Variants in GAB3 observed in about 807,000 individuals in gnomAD.
GAB3 encodes the protein GRB2-associated-binding protein 3.
GAB3 carries 12 observed loss-of-function variants against 40.4 expected under a neutral mutation model. That is an observed-to-expected ratio of 0.30 (90% CI 0.19 to 0.48). The LOEUF is 0.48. Ranked by LOEUF, GAB3 falls within the 20% of genes least tolerant of loss-of-function variation. GAB3 has a pLI of 0.99. For missense variants in GAB3, 381 were observed against 461.9 expected, an observed-to-expected ratio of 0.82 and a Z score of 1.61; for synonymous variants, 154 against 176.7, an observed-to-expected ratio of 0.87 and a Z score of 1.02.
At chrX:154,741,712 G>A (rs1030732128) in intron 1 of GAB3, among the ~76,000 whole-genome samples, 28 of 109,330 alleles carry the variant, frequency 2.6e-4, no homozygotes, top group Non-Finnish European at 4.4e-4. Context: ...AGAGGAAAAG[G>A]TTTAATTGAC....
intron 8 of GAB3, among the ~76,000 whole-genome samples, chrX:154,688,915 T>G (rs1199451765): frequency 6.3e-5 from 7 of 110,471 alleles, no homozygotes; most frequent in Admixed American, 5.7e-4. Flanking sequence ...ACTCATTTTA[T>G]GAGGCCAGCA....
In GAB3 at chrX:154,739,696, GACAGAGGTGGAAGAAGTTTTCATCAA is replaced by G. The variant is rs782527273; in HGVS notation, c.72+11232_72+11257del. On this transcript the variant is annotated intron_variant, in intron 1 of 9. Transcript: ENST00000424127. ...GGTAAGGGTAAATAGGGTGGATGAA[GACAGAGGTGGAAGAAGTTTTCATCAA>G]ACATTTAAAATATATTTTTTAATTT... Among the ~76,000 whole-genome samples the G allele has an allele frequency of 7.4e-3, 833 of 112,032 alleles. 8 individuals are homozygous for G. Among genetic ancestry groups the G allele is most frequent in the African/African-American group, 0.026 (797 of 30,840 alleles).
intron 1 of GAB3, among the ~76,000 whole-genome samples, chrX:154,722,689 C>T (rs1373839032): frequency 3.6e-5 from 4 of 111,661 alleles, no homozygotes; most frequent in Non-Finnish European, 7.5e-5. Flanking sequence ...CTAGCAGATA[C>T]TCATTTGAGT....
chrX:154,692,645 G>A (rs782678836), intron 8 of GAB3, among the ~76,000 whole-genome samples: 3 of 111,434 alleles, frequency 2.7e-5, no homozygotes, highest in South Asian at 3.8e-4. Context: ...AAAATTAGCC[G>A]GGCATGGTGG....
intron 4 of GAB3, among the ~76,000 whole-genome samples, chrX:154,705,936 A>G (rs1557253488): frequency 1.8e-5 from 2 of 112,036 alleles, no homozygotes; most frequent in African/African-American, 6.5e-5. Flanking sequence ...GCATTTCTAT[A>G]CATCAAACAA....
chrX:154,708,242 T>C (rs1557254224), intron 4 of GAB3, among the ~76,000 whole-genome samples: 2 of 112,367 alleles, frequency 1.8e-5, no homozygotes, highest in Non-Finnish European at 3.8e-5. Flanking sequence ...GATTATAGAC[T>C]TCAATCTAAA....
At chrX:154,696,588 T>C (rs2070662315) in intron 7 of GAB3, among the ~76,000 whole-genome samples, 1 of 111,420 alleles carries the variant, frequency 9.0e-6, no homozygotes, top group Non-Finnish European at 1.9e-5. Context: ...AAAGGTGAGA[T>C]GAAAGGGTGC....
At chrX:154,709,464 G>A (rs1439904519) in intron 4 of GAB3, among the ~76,000 whole-genome samples, 1 of 108,955 alleles carries the variant, frequency 9.2e-6, no homozygotes, top group East Asian at 2.9e-4. Context: ...GGGACCACAG[G>A]CACCCGCCAC....
At chrX:154,713,122 G>C (rs1794698223) in intron 3 of GAB3, 85 bp downstream of exon 3, 2 of 774,494 alleles carry the variant, frequency 2.6e-6, no homozygotes, top group African/African-American at 2.0e-5. Context: ...ACACATCTCA[G>C]CTACGGACTG....
intron 1 of GAB3, among the ~76,000 whole-genome samples, chrX:154,723,196 G>A (rs907193613): frequency 2.7e-5 from 3 of 111,675 alleles, no homozygotes; most frequent in Non-Finnish European, 5.7e-5. Context: ...TTTCTTTTAT[G>A]ACAAAAAAAA....
At chrX:154,748,894 T>A (rs1433082076) in intron 1 of GAB3, among the ~76,000 whole-genome samples, 1 of 111,826 alleles carries the variant, frequency 8.9e-6, no homozygotes, top group Admixed American at 9.5e-5. Flanking sequence ...CCCGTCGAAG[T>A]GACACATGAT....
At chrX:154,691,029 C>T (rs1557249233) in intron 8 of GAB3, among the ~76,000 whole-genome samples, 1 of 110,305 alleles carries the variant, frequency 9.1e-6, no homozygotes, top group African/African-American at 3.3e-5. Flanking sequence ...AAATGTCCAA[C>T]AATGACAGAC....
At chrX:154,700,733 A>G (rs185026585) in intron 4 of GAB3, among the ~76,000 whole-genome samples, 1 of 111,094 alleles carries the variant, frequency 9.0e-6, no homozygotes, top group East Asian at 2.8e-4. Context: ...GTGCCATGAA[A>G]GCCTCAGGAA....
At chrX:154,742,985 C>CATATATATATATATAT (rs34588574) in intron 1 of GAB3, among the ~76,000 whole-genome samples, 15 of 92,325 alleles carry the variant, frequency 1.6e-4, no homozygotes, top group South Asian at 1.1e-3. Flanking sequence ...AGTGTGTGTA[C>CATATATATATATATAT]ATATATATAT....
rs1181563384 is a variant in GAB3, at chrX:154,675,738, GATC to G, written c.*2437_*2439del. The G allele has an allele frequency of 1.8e-5, 2 of 112,183 alleles. No homozygotes were observed. Among genetic ancestry groups the G allele is most frequent in the African/African-American group, 6.5e-5 (2 of 30,838 alleles). 9.2% of individuals were successfully genotyped at this position (112,183 alleles called of 1,213,427 possible). A position where few individuals can be genotyped will look rare whatever the true frequency, so the allele number is the denominator to read the frequency against. On this transcript the variant is annotated 3_prime_UTR_variant, in exon 10 of 10. Coordinates refer to ENST00000424127, the MANE Select transcript of GAB3 (RefSeq NM_001081573.3). ...ATTCCCACATCTTGTAGGTCTCTGG[GATC>G]ATTTCTGTAACAAACATTAGGCCCT...
intron 9 of GAB3, 21 bp downstream of exon 9, chrX:154,680,111 T>TA (rs1557246497): frequency 9.3e-7 from 1 of 1,073,537 alleles, no homozygotes; most frequent in East Asian, 3.0e-5. Flanking sequence ...TGGGAATTCT[T>TA]AGACACAAAG....
chrX:154,710,256 T>C (rs781793893), intron 4 of GAB3, among the ~76,000 whole-genome samples: 3 of 112,237 alleles, frequency 2.7e-5, no homozygotes, highest in South Asian at 7.4e-4. Context: ...CAAACCGATC[T>C]ACAGATCGGA....
At chrX:154,693,979 G>A (rs1412872302) in intron 8 of GAB3, among the ~76,000 whole-genome samples, 5 of 110,584 alleles carry the variant, frequency 4.5e-5, no homozygotes, top group Non-Finnish European at 9.5e-5. Context: ...AAGCAAAACC[G>A]TGTTTCAGCC....
At chrX:154,686,622 G>T (rs1353041940) in intron 8 of GAB3, among the ~76,000 whole-genome samples, 2 of 101,505 alleles carry the variant, frequency 2.0e-5, no homozygotes, top group East Asian at 6.7e-4. Flanking sequence ...GTAGAGACAG[G>T]GTCTCACTTT....
Sources: gnomAD v4.1 joint callset for allele counts (sites outside exome capture counted in the v4.1 genomes callset) on GRCh38, gnomAD v4.1.1 for gene constraint, MANE v1.5 for transcripts, NCBI Gene and HGNC (gene_info 2026-07-23, HGNC 2026-07-21) for gene names.